Variants in EPM2A observed in about 807,000 individuals in gnomAD.
EPM2A encodes laforin.
Under a neutral mutation model 26.5 loss-of-function variants are expected in EPM2A, and 21 were observed. The ratio of observed to expected loss-of-function variants is 0.79; its 90% CI spans 0.56 to 1.14. EPM2A has a LOEUF of 1.14. Ranked by LOEUF, EPM2A falls within the 50% of genes most tolerant of loss-of-function variation. The pLI, the probability that EPM2A is intolerant of heterozygous loss-of-function variation, is 0.00. For missense variants in EPM2A, 458 were observed against 440.8 expected, an observed-to-expected ratio of 1.04 and a Z score of -0.35; for synonymous variants, 217 against 177.6, an observed-to-expected ratio of 1.22 and a Z score of -1.76.
chr6:145,491,735 G>C (rs745630033), intron 4 of EPM2A: 21 of 515,248 alleles, frequency 4.1e-5, no homozygotes, highest in Non-Finnish European at 7.2e-5. Context: ...CCTGCCTCCT[G>C]TCCCTGTCAG....
At chr6:145,486,145 C>A (rs1041116618) in intron 4 of EPM2A, among the ~76,000 whole-genome samples, 1 of 152,160 alleles carries the variant, frequency 6.6e-6, no homozygotes, top group Non-Finnish European at 1.5e-5. Flanking sequence ...GCTGCCAATA[C>A]TTAAGAGTTC....
At chr6:145,716,890 G>T (rs188202027) in intron 1 of EPM2A, among the ~76,000 whole-genome samples, 26 of 152,082 alleles carry the variant, frequency 1.7e-4, no homozygotes, top group Non-Finnish European at 4.4e-5. Context: ...CTTTGTTGTT[G>T]TATTTATTCC....
At chr6:145,404,028 C>T (rs1778533053) in intron 4 of EPM2A, among the ~76,000 whole-genome samples, 1 of 152,046 alleles carries the variant, frequency 6.6e-6, no homozygotes, top group African/African-American at 2.4e-5. Context: ...ATGCTGAGCA[C>T]CTTTTCATAT....
chr6:145,562,128 GAA>G (rs71028361), intron 2 of EPM2A, among the ~76,000 whole-genome samples: 7 of 135,406 alleles, frequency 5.2e-5, no homozygotes, highest in Non-Finnish European at 8.0e-5. Context: ...TTACAAAAAG[GAA>G]AAAAAAAAAA....
In EPM2A at chr6:145,558,995, G is replaced by A. The variant is rs74917804; in HGVS notation, c.341-56420C>T. Reference sequence around the variant, plus strand: ...TAAAATGGATTTACCAGAGAGGAGAGATGGTCATTATTTCTCCAGTTTATA... The same window carrying A: ...TAAAATGGATTTACCAGAGAGGAGAAATGGTCATTATTTCTCCAGTTTATA... On this transcript the variant is annotated intron_variant, in intron 2 of 3. Transcript: ENST00000450221. 8.7e-3 allele frequency among the ~76,000 whole-genome samples: 1,329 copies of A among 152,174 alleles called. 13 individuals are homozygous for A. The highest frequency in any genetic ancestry group is 0.031 in the African/African-American group (1,272 of 41,526).
At chr6:145,692,681 C>T (rs1427609462) in intron 1 of EPM2A, among the ~76,000 whole-genome samples, 1 of 151,996 alleles carries the variant, frequency 6.6e-6, no homozygotes. Context: ...AGGGTCCTTT[C>T]CCCATTGCTT....
chr6:145,385,806 T>C (rs1186308117), intron 4 of EPM2A, among the ~76,000 whole-genome samples: 1 of 152,106 alleles, frequency 6.6e-6, no homozygotes, highest in Non-Finnish European at 1.5e-5. Flanking sequence ...TAAATCTGTC[T>C]CCTTCTTTTT....
At chr6:145,654,947 A>C (rs550623001) in intron 2 of EPM2A, among the ~76,000 whole-genome samples, 3 of 152,120 alleles carry the variant, frequency 2.0e-5, no homozygotes, top group Non-Finnish European at 4.4e-5. Flanking sequence ...TTTGTTCATA[A>C]GTCTATTTCC....
chr6:145,535,964 C>T lies in EPM2A; in HGVS notation c.341-33389G>A, dbSNP rs534955073. Among the ~76,000 whole-genome samples, 220 of 152,322 alleles carry T rather than the reference C, an allele frequency of 1.4e-3. 1 individual carries two copies. The highest frequency in any genetic ancestry group is 5.1e-3 in the African/African-American group (210 of 41,574). On this transcript the variant is annotated intron_variant, in intron 2 of 3. Coordinates refer to the EPM2A transcript ENST00000450221. ...AAAAATCCTTTTAAATGAACTTCAA[C>T]ACTATGTCAAAAGCAGTTTAAAAGT...
chr6:145,715,011 A>C (rs1320292655), intron 1 of EPM2A, among the ~76,000 whole-genome samples: 1 of 152,186 alleles, frequency 6.6e-6, no homozygotes, highest in Non-Finnish European at 1.5e-5. Flanking sequence ...ATGTTTGCAA[A>C]GTGAAAAAGG....
intron 4 of EPM2A, among the ~76,000 whole-genome samples, chr6:145,447,329 T>C (rs1779139522): frequency 6.6e-6 from 1 of 152,296 alleles, no homozygotes; most frequent in East Asian, 1.9e-4. Flanking sequence ...TACTTTGCAA[T>C]TCTTATGAGC....
chr6:145,472,915 TC>T lies in EPM2A; in HGVS notation c.555+29606del, dbSNP rs368512981. On this transcript the variant is annotated intron_variant, in intron 4 of 4. Transcript: ENST00000638717. ...CTTTCAAATAATTTGTGAAAAGCCT[TC>T]CCAAAAGGACAGCTACAAATAAGCC... Among the ~76,000 whole-genome samples the T allele has an allele frequency of 5.2e-3, 792 of 152,016 alleles. 6 individuals carry two copies. Among genetic ancestry groups the T allele is most frequent in the African/African-American group, 0.016 (650 of 41,482 alleles).
At chr6:145,657,697 T>A (rs1325364771) in intron 2 of EPM2A, among the ~76,000 whole-genome samples, 1 of 152,244 alleles carries the variant, frequency 6.6e-6, no homozygotes, top group Non-Finnish European at 1.5e-5. Flanking sequence ...GGTCAGAGGC[T>A]GCCACAGGGC....
chr6:145,522,638 C>T (rs1780218047), intron 2 of EPM2A, among the ~76,000 whole-genome samples: 1 of 152,172 alleles, frequency 6.6e-6, no homozygotes, highest in South Asian at 2.1e-4. Context: ...ATTTCTCAGT[C>T]TCTTTGCTAT....
chr6:145,562,852 T>C (rs1232364029), intron 2 of EPM2A, among the ~76,000 whole-genome samples: 1 of 151,644 alleles, frequency 6.6e-6, no homozygotes, highest in Non-Finnish European at 1.5e-5. Context: ...AAAATGGTGA[T>C]GAGACAGGAA....
chr6:145,419,191 C>CG (rs1291490830), intron 4 of EPM2A, among the ~76,000 whole-genome samples: 1 of 141,420 alleles, frequency 7.1e-6, no homozygotes, highest in Non-Finnish European at 1.6e-5. Flanking sequence ...CCCCCCCCCC[C>CG]GCTCCTTTCC....
At chr6:145,498,753 T>A (rs1779852689), downstream of EPM2A, among the ~76,000 whole-genome samples, 1 of 152,170 alleles carries the variant, frequency 6.6e-6, no homozygotes, top group Non-Finnish European at 1.5e-5. Context: ...GTGCTGTATT[T>A]TCTGCCCCTT....
intron 4 of EPM2A, among the ~76,000 whole-genome samples, chr6:145,406,237 CA>C (rs1184905483): frequency 6.6e-6 from 1 of 152,128 alleles, no homozygotes; most frequent in Non-Finnish European, 1.5e-5. Context: ...TAAAATCACT[CA>C]TTTTCATCTT....
At chr6:145,547,374 C>T (rs536039687) in intron 2 of EPM2A, among the ~76,000 whole-genome samples, 2 of 152,184 alleles carry the variant, frequency 1.3e-5, no homozygotes, top group African/African-American at 4.8e-5. Flanking sequence ...TAACTCCAGG[C>T]TCTGGTCACT....
Sources: allele counts gnomAD v4.1 joint callset (sites outside exome capture counted in the v4.1 genomes callset), GRCh38; gene constraint gnomAD v4.1.1; transcripts MANE v1.5; gene names NCBI Gene and HGNC (gene_info 2026-07-23, HGNC 2026-07-21).